The following COL14A1 variants were observed in gnomAD, a reference collection of about 807,000 sequenced individuals.
COL14A1 encodes the protein collagen alpha-1(XIV) chain.
A neutral mutation model predicts 230.3 loss-of-function variants in COL14A1; 136 were observed. The observed-to-expected ratio is 0.59, with a 90% CI of 0.51 to 0.68. The LOEUF (loss-of-function observed/expected upper bound fraction) is 0.68. Ranked by LOEUF, COL14A1 falls within the 30% of genes least tolerant of loss-of-function variation. The pLI, the probability that COL14A1 is intolerant of heterozygous loss-of-function variation, is 0.00. For synonymous variants in COL14A1, 792 were observed against 784.1 expected, an observed-to-expected ratio of 1.01 and a Z score of -0.17; for missense variants, 1,976 against 2,215.8, an observed-to-expected ratio of 0.89 and a Z score of 2.17.
chr8:120,353,560 C>T (rs2130329442), intron 45 of COL14A1, among the ~76,000 whole-genome samples: 1 of 150,790 alleles, frequency 6.6e-6, no homozygotes, highest in South Asian at 2.1e-4. Context: ...AACAAACCAC[C>T]CCATCAAAAA....
chr8:120,146,336 G>A (rs980513436), intron 1 of COL14A1, among the ~76,000 whole-genome samples: 1 of 152,102 alleles, frequency 6.6e-6, no homozygotes, highest in African/African-American at 2.4e-5. Flanking sequence ...ATATGTTTTA[G>A]TTAATCTAAA....
At chr8:120,160,192 CT>C (rs2130532380) in intron 3 of COL14A1, among the ~76,000 whole-genome samples, 1 of 151,970 alleles carries the variant, frequency 6.6e-6, no homozygotes. Context: ...AAAAATATAG[CT>C]TATTTTTTTA....
chr8:120,363,512 A>G (rs1290495741), intron 45 of COL14A1, among the ~76,000 whole-genome samples: 1 of 152,120 alleles, frequency 6.6e-6, no homozygotes, highest in African/African-American at 2.4e-5. Context: ...GGTGCAGCAA[A>G]CCACCATGGC....
chr8:120,246,934 A>G (rs1473814647), intron 20 of COL14A1, among the ~76,000 whole-genome samples: 1 of 152,236 alleles, frequency 6.6e-6, no homozygotes, highest in Non-Finnish European at 1.5e-5. Context: ...TTAACATTCT[A>G]TGAACACACC....
chr8:120,366,763 A>C (rs2130388022), intron 45 of COL14A1, among the ~76,000 whole-genome samples: 1 of 152,350 alleles, frequency 6.6e-6, no homozygotes, highest in East Asian at 1.9e-4. Flanking sequence ...TGCCTTTTGC[A>C]GACACATTAC....
intron 42 of COL14A1, among the ~76,000 whole-genome samples, chr8:120,333,462 G>T (rs899844199): frequency 6.6e-6 from 1 of 152,204 alleles, no homozygotes; most frequent in African/African-American, 2.4e-5. Context: ...ATATTTATCT[G>T]TGAATTGCTA....
intron 14 of COL14A1, among the ~76,000 whole-genome samples, chr8:120,217,466 A>G (rs982032860): frequency 3.0e-4 from 46 of 152,214 alleles, no homozygotes; most frequent in African/African-American, 1.1e-3. Context: ...GTTAGATTGC[A>G]TCATTTCTAT....
Position 120,300,756 on chromosome 8 carries a change from C to T in COL14A1, c.4339C>T (p.Leu1447Phe). The T allele has an allele frequency of 6.2e-7, 1 of 1,613,576 alleles. No individual in the cohort carries two copies. The highest frequency in any genetic ancestry group is 8.5e-7 in the Non-Finnish European group (1 of 1,179,646). ...GLRDDESCPD[L>F]PHSCSCSETN... Reference sequence around the variant, plus strand: ...GAGAGATGATGAGTCTTGCCCAGACCTTCCCCATTCCTGCTCCTGTTCTGA... The same window carrying T: ...GAGAGATGATGAGTCTTGCCCAGACTTTCCCCATTCCTGCTCCTGTTCTGA... Residue 1447 changes from leucine to phenylalanine, a missense_variant, in exon 36 of 48, where the codon CTT (leucine) becomes TTT (phenylalanine). Leu to Phe is a conservative substitution (Grantham distance 22). This residue lies in a region of COL14A1 where 1,791 missense variants were observed against 2,019.5 expected (regional missense o/e 0.89). Transcript: ENST00000297848.
At chr8:120,306,993 T>C (rs1820875506) in intron 36 of COL14A1, among the ~76,000 whole-genome samples, 1 of 152,204 alleles carries the variant, frequency 6.6e-6, no homozygotes, top group African/African-American at 2.4e-5. Flanking sequence ...TAGTGTAAAC[T>C]ATGAGGACAA....
intron 8 of COL14A1, among the ~76,000 whole-genome samples, chr8:120,202,993 T>TATATATATA (rs1457518560): frequency 1.3e-5 from 1 of 76,390 alleles, no homozygotes; most frequent in Non-Finnish European, 2.6e-5. Context: ...ATTTCAAATA[T>TATATATATA]ATATATATAT....
At chr8:120,316,126 A>G (rs1213608268) in intron 40 of COL14A1, 129 bp downstream of exon 40, 2 of 771,758 alleles carry the variant, frequency 2.6e-6, no homozygotes, top group Non-Finnish European at 4.3e-6. Flanking sequence ...CTGTTTATGT[A>G]TTTTCCACCT....
In COL14A1 at chr8:120,268,454, G is replaced by A. The variant is rs150591226; in HGVS notation, c.3073+1571G>A. On this transcript the variant is annotated intron_variant, in intron 25 of 47. Transcript: ENST00000297848. ...TATAGCTGAGTATGGATATTATTCC[G>A]TAAACATTCATGAATGCTTATAGAA... 2.2e-3 allele frequency among the ~76,000 whole-genome samples: 341 copies of A among 151,646 alleles called. 3 individuals are homozygous for A. Among genetic ancestry groups the A allele is most frequent in the African/African-American group, 6.4e-3 (265 of 41,460 alleles).
intron 34 of COL14A1, among the ~76,000 whole-genome samples, chr8:120,296,186 G>A (rs1231456963): frequency 6.6e-6 from 1 of 151,688 alleles, no homozygotes; most frequent in Non-Finnish European, 1.5e-5. Flanking sequence ...GAAAAAAAAA[G>A]CAGTGAGCCA....
intron 1 of COL14A1, among the ~76,000 whole-genome samples, chr8:120,130,812 C>G (rs984128614): frequency 5.9e-5 from 9 of 152,050 alleles, no homozygotes; most frequent in African/African-American, 2.2e-4. Flanking sequence ...ATGAATGATC[C>G]CATCACCCAG....
intron 26 of COL14A1, among the ~76,000 whole-genome samples, chr8:120,275,840 G>T (rs1056597786): frequency 1.3e-5 from 2 of 151,912 alleles, no homozygotes; most frequent in African/African-American, 4.8e-5. Flanking sequence ...ATAGATGTCG[G>T]TGTGGATGTG....
At chr8:120,262,493 A>G (rs1212782373) in intron 23 of COL14A1, among the ~76,000 whole-genome samples, 1 of 152,016 alleles carries the variant, frequency 6.6e-6, no homozygotes, top group South Asian at 2.1e-4. Flanking sequence ...AAAAACAAAA[A>G]CAAAAAAACC....
At chr8:120,269,534 A>G (rs1355830271) in intron 25 of COL14A1, among the ~76,000 whole-genome samples, 2 of 151,792 alleles carry the variant, frequency 1.3e-5, no homozygotes, top group Non-Finnish European at 2.9e-5. Flanking sequence ...GCCCAAGTGA[A>G]TATCAAATTA....
chr8:120,162,630 TC>T, intron 4 of COL14A1, 61 bp downstream of exon 4: 2 of 1,398,658 alleles, frequency 1.4e-6, no homozygotes, highest in Non-Finnish European at 1.9e-6. Flanking sequence ...TGGATTTGAG[TC>T]TGTGATATAT....
At chr8:120,336,645 GC>G (rs10708958) in intron 42 of COL14A1, among the ~76,000 whole-genome samples, 2,659 of 152,272 alleles carry the variant, frequency 0.017, 45 homozygotes, top group Middle Eastern at 0.044. Context: ...GGAGGAAGGA[GC>G]CCAGTTGTTC....
Sources: allele counts gnomAD v4.1 joint callset (sites outside exome capture counted in the v4.1 genomes callset), GRCh38; gene constraint gnomAD v4.1.1; regional missense constraint gnomAD v4.1.1; transcripts MANE v1.5; gene names NCBI Gene and HGNC (gene_info 2026-07-23, HGNC 2026-07-21).